The following PDCD11 variants were observed in gnomAD, a reference collection of about 807,000 sequenced individuals.
The protein encoded by PDCD11 is programmed cell death 11, also known as protein RRP5 homolog.
Under a neutral mutation model 198.9 loss-of-function variants are expected in PDCD11, and 97 were observed. That is an observed-to-expected ratio of 0.49 (90% CI 0.41 to 0.58). PDCD11 has a LOEUF of 0.58. Among genes scored for constraint, PDCD11 ranks in the 20% least tolerant of loss-of-function variants. The pLI, the probability that PDCD11 is intolerant of heterozygous loss-of-function variation, is 0.00. For missense variants in PDCD11, 2,102 were observed against 2,312.7 expected (o/e 0.91, Z 1.87); for synonymous variants, 893 against 918.0 (o/e 0.97, Z 0.49).
Position 103,441,983 on chromosome 10 carries a change from ATTTTGCAGGGCATGTCCT to A in PDCD11, c.4707+19_4707+36del. The A allele has an allele frequency of 6.2e-7, 1 of 1,614,062 alleles. No homozygotes were observed. The highest frequency in any genetic ancestry group is 8.5e-7 in the Non-Finnish European group (1 of 1,179,954). ...AAGCCACACCAAGCCACGGTGCTGTATTTTGCAGGGCATGTCCTTTTTGCAGGGACCCCTTGGTGTCAG... is the reference window on the plus strand; with the variant it reads ...AAGCCACACCAAGCCACGGTGCTGTATTTTGCAGGGACCCCTTGGTGTCAG... On this transcript the variant is annotated intron_variant, in intron 31 of 35. Coordinates refer to ENST00000369797, the MANE Select transcript of PDCD11 (RefSeq NM_014976.2).
In PDCD11 at chr10:103,425,230, A is replaced by C; in HGVS notation, c.3010A>C (p.Arg1004=). Residue 1004 remains arginine (R), a synonymous_variant, in exon 20 of 36, where the codon AGG becomes CGG. Coordinates refer to ENST00000369797, the MANE Select transcript of PDCD11 (RefSeq NM_014976.2). ...GGGGCCGGCTGCCAAGAGGACCATG[A>C]GGCCGACCCAGAAGGACTCTGAGAC... ...VEGPAAKRTM[R]PTQKDSETVD... is the part of the protein sequence containing the mutation. 2 of 1,614,154 alleles carry C rather than the reference A, an allele frequency of 1.2e-6. No homozygotes were observed. The highest frequency in any genetic ancestry group is 1.7e-6 in the Non-Finnish European group (2 of 1,180,046).
At chr10:103,400,725 T>G (rs2029981647) in intron 3 of PDCD11, among the ~76,000 whole-genome samples, 197 bp downstream of exon 3, 1 of 152,154 alleles carries the variant, frequency 6.6e-6, no homozygotes, top group Non-Finnish European at 1.5e-5. Flanking sequence ...TGCTAACCGA[T>G]GCCAGGAATC....
In PDCD11 at chr10:103,419,562, G is replaced by A. The variant is rs768408114; in HGVS notation, c.2131G>A (p.Val711Ile). 6.8e-6 allele frequency: 11 copies of A among 1,613,722 alleles called. No individual in the cohort carries two copies. In the Middle Eastern group the frequency reaches 4.9e-4, roughly 72 times the overall value. Residue 711 changes from valine to isoleucine, a missense_variant, in exon 16 of 36, where the codon GTC (valine) becomes ATC (isoleucine). Coordinates refer to ENST00000369797, the MANE Select transcript of PDCD11 (RefSeq NM_014976.2). ...GCTTCTTTGCAGGAAGCCAGCCTTGGTCTCCACAGTAGAAGGTGGCCAGGA... is the reference window on the plus strand; with the variant it reads ...GCTTCTTTGCAGGAAGCCAGCCTTGATCTCCACAGTAGAAGGTGGCCAGGA... ...RVLLCRKPAL[V>I]STVEGGQDPK...
At chr10:103,442,121 T>G in intron 31 of PDCD11, 92 bp from the exon 32 acceptor site, 2 of 1,569,524 alleles carry the variant, frequency 1.3e-6, no homozygotes, top group Non-Finnish European at 1.7e-6. Flanking sequence ...TATAGAGCCC[T>G]GGGCTGCCCA....
intron 2 of PDCD11, 24 bp downstream of exon 2, chr10:103,398,552 A>C: frequency 5.5e-6 from 8 of 1,446,044 alleles, no homozygotes; most frequent in Non-Finnish European, 7.8e-6. Context: ...TTGTTTGGTG[A>C]CACTCACTGG....
rs1247498716 is a variant in PDCD11, at chr10:103,444,698, G to GCA, written c.5444+16_5444+17insCA. ...AGGACGTCCGGTGAGTGGGGCAGCTGGCCAAGGCCGAGTTCCTCAGGAGAG... is the reference window on the plus strand; with the variant it reads ...AGGACGTCCGGTGAGTGGGGCAGCTGCAGCCAAGGCCGAGTTCCTCAGGAGAG... On this transcript the variant is annotated intron_variant, in intron 35 of 35. Transcript: ENST00000369797. The GCA allele has an allele frequency of 4.3e-6, 7 of 1,611,630 alleles. No individual in the cohort carries two copies. The highest frequency in any genetic ancestry group is 1.7e-6 in the Non-Finnish European group (2 of 1,179,222).
At chr10:103,410,668 G>C (rs950802583) in intron 8 of PDCD11, among the ~76,000 whole-genome samples, 2 of 149,830 alleles carry the variant, frequency 1.3e-5, no homozygotes, top group African/African-American at 2.5e-5. Flanking sequence ...GAGTGCAGTG[G>C]CGCAAACACG....
At chr10:103,423,486 C>A in intron 18 of PDCD11, 57 bp from the exon 19 acceptor site, 1 of 1,288,516 alleles carries the variant, frequency 7.8e-7, no homozygotes, top group Non-Finnish European at 1.1e-6. Context: ...GTGAGAGGTG[C>A]TGCTCTCCCT....
chr10:103,417,925 T>A lies in PDCD11; in HGVS notation c.1904T>A (p.Ile635Asn). Residue 635 changes from isoleucine to asparagine, a missense_variant, in exon 14 of 36, where the codon ATT becomes AAT. By Grantham distance (149) the Ile-to-Asn change is moderately radical. Transcript: ENST00000369797. ...HSQKKGKAIN[I>N]GQLVDVKVLE... ...CAGAAGAAAGGAAAAGCCATTAACA[T>A]TGGGCAGGTACGTGGACTTCTCTGG... 3.1e-6 allele frequency: 5 copies of A among 1,614,098 alleles called. No homozygotes were observed. The highest frequency in any genetic ancestry group is 4.2e-6 in the Non-Finnish European group (5 of 1,179,994).
intron 13 of PDCD11, among the ~76,000 whole-genome samples, chr10:103,417,028 C>T (rs2031150540): frequency 6.6e-6 from 1 of 152,170 alleles, no homozygotes; most frequent in South Asian, 2.1e-4. Flanking sequence ...GTTTTGAGGT[C>T]ACTGTCACCA....
chr10:103,418,490 T>G lies in PDCD11; in HGVS notation c.1962T>G (p.Ala654=). 1 of 1,614,194 alleles carries G rather than the reference T, an allele frequency of 6.2e-7. No individual in the cohort carries two copies. The highest frequency in any genetic ancestry group is 8.5e-7 in the Non-Finnish European group (1 of 1,180,018). The change falls in exon 15 of 36, where the codon GCT becomes GCG. Residue 654 remains alanine, a synonymous_variant. Coordinates refer to ENST00000369797, the MANE Select transcript of PDCD11 (RefSeq NM_014976.2). ...LEKTKDGLEV[A]VLPHNIRAFL... ...AGACCAAAGATGGGCTGGAGGTGGC[T>G]GTCCTGCCCCACAACATCCGTGCTT...
chr10:103,438,737 C>T lies in PDCD11; in HGVS notation c.3954C>T (p.Ile1318=). The change falls in exon 27 of 36, where the codon ATC becomes ATT. Residue 1318 remains isoleucine, a synonymous_variant. Transcript: ENST00000369797. ...TAGAAGATCCAGAGATTAACTCCAT[C>T]CAGGACATTAAGGAAGGGCAGCTTC... The part of the protein sequence containing the change: ...SKVEDPEINS[I]QDIKEGQLLR... The T allele has an allele frequency of 6.2e-7, 1 of 1,614,124 alleles. No individual in the cohort carries two copies.
intron 13 of PDCD11, 129 bp downstream of exon 13, chr10:103,416,871 G>A: frequency 1.9e-6 from 2 of 1,049,326 alleles, no homozygotes; most frequent in South Asian, 1.5e-5. Context: ...GTGGGTGTGA[G>A]CCGGCTAAAT....
In PDCD11 at chr10:103,405,038, C is replaced by T. The variant is rs748145266; in HGVS notation, c.419C>T (p.Pro140Leu). ...EQPLKDLLHL[P>L]ELFSPGMLVR... ...GTTATGCAGGACCTACTTCACTTGC[C>T]TGAACTTTTCTCACCTGGAATGCTG... is the stretch of plus-strand genomic sequence containing the variant. The change falls in exon 5 of 36, where the codon CCT (proline) becomes CTT (leucine). Residue 140 changes from proline (P) to leucine (L), a missense_variant. By Grantham distance (98) the Pro-to-Leu change is moderately conservative. Transcript: ENST00000369797. The T allele has an allele frequency of 1.9e-6, 3 of 1,613,958 alleles. No homozygotes were observed. The South Asian group carries it at 3.3e-5, about 18-fold the overall frequency.
chr10:103,414,301 C>G lies in PDCD11; in HGVS notation c.1342C>G (p.His448Asp). The change falls in exon 11 of 36, where the codon CAT becomes GAT. Residue 448 changes from histidine (H) to aspartate (D), a missense_variant. Transcript: ENST00000369797. The part of the protein sequence containing the change: ...SIIEAQYLRY[H>D]DIEPGAVVKG... ...TATTGAAGCTCAGTACCTTAGATATCATGACATCGAACCTGGGGCAGTGGT... is the reference window on the plus strand; with the variant it reads ...TATTGAAGCTCAGTACCTTAGATATGATGACATCGAACCTGGGGCAGTGGT... 1 of 1,613,612 alleles carries G rather than the reference C, an allele frequency of 6.2e-7. No homozygotes were observed. The highest frequency in any genetic ancestry group is 1.1e-5 in the South Asian group (1 of 91,078).
At position 103,434,112 on chromosome 10, in the gene PDCD11, A is replaced by G. The variant is rs573115896; in HGVS notation, c.3564+75A>G. 1.6e-4 allele frequency: 206 copies of G among 1,318,556 alleles called. No individual in the cohort carries two copies. In the African/African-American group the frequency reaches 2.5e-3, roughly 16 times the overall value. 81.7% of individuals were successfully genotyped at this position (1,318,556 alleles called of 1,614,324 possible). ...GGCCCAGTGCCTGGTGTGTGGGTTT[A>G]CAGTGGATTTGAGGAAGCTTGTTCT... On this transcript the variant is annotated intron_variant, in intron 23 of 35. Transcript: ENST00000369797.
chr10:103,413,050 G>T, intron 8 of PDCD11, 66 bp from the exon 9 acceptor site: 7 of 1,245,190 alleles, frequency 5.6e-6, no homozygotes, highest in Non-Finnish European at 8.3e-6. Flanking sequence ...CTTGATGCCT[G>T]GAAGGTCTGC....
chr10:103,424,883 AC>A (rs1012473699), intron 19 of PDCD11, 100 bp from the exon 20 acceptor site: 49 of 1,353,178 alleles, frequency 3.6e-5, no homozygotes, highest in Middle Eastern at 2.5e-4. Flanking sequence ...TAGCCTTGGG[AC>A]CCCAGAGGGT....
At position 103,418,649 on chromosome 10, in the gene PDCD11, T is replaced by A. The variant is rs2031254060; in HGVS notation, c.2106+15T>A. On this transcript the variant is annotated intron_variant, in intron 15 of 35. Transcript: ENST00000369797. ...AGGGGCGTGTTGTATCCTTGACTGG[T>A]ATCTGTGGAGCAGAGGAAGGTGGGG... 1.2e-6 allele frequency: 2 copies of A among 1,609,104 alleles called. No homozygotes were observed. Among genetic ancestry groups the A allele is most frequent in the Non-Finnish European group, 1.7e-6 (2 of 1,176,376 alleles).
Sources: allele counts gnomAD v4.1 joint callset (sites outside exome capture counted in the v4.1 genomes callset), GRCh38; gene constraint gnomAD v4.1.1; transcripts MANE v1.5; gene names NCBI Gene and HGNC (gene_info 2026-07-23, HGNC 2026-07-21).